The following PHC3 variants were observed in gnomAD, a reference collection of about 807,000 sequenced individuals.
PHC3 encodes polyhomeotic homolog 3.
In PHC3, 13 loss-of-function variants were observed where a neutral mutation model predicts 107.4. That is an observed-to-expected ratio of 0.12 (90% CI 0.08 to 0.19). The LOEUF (loss-of-function observed/expected upper bound fraction) is 0.19. PHC3 is among the 10% of genes least tolerant of loss of function. The probability of loss-of-function intolerance (pLI) is 1.00; values close to 1 mark genes in which losing one functional copy is unlikely to be tolerated. For missense variants in PHC3, 992 were observed against 1,210.9 expected, an observed-to-expected ratio of 0.82 and a Z score of 2.68; for synonymous variants, 456 against 427.4, an observed-to-expected ratio of 1.07 and a Z score of -0.83.
rs1335339150 is a variant in PHC3 at position 170,092,311 on chromosome 3, C to A, written c.*4919G>T. On this transcript the variant is annotated 3_prime_UTR_variant, in exon 15 of 15. Transcript: ENST00000495893. ...CACCATGCCCAGCCCCAAATAATTT[C>A]TTTTAAGATATACAGCTTAACAAGT... 2 of 152,048 alleles carry A rather than the reference C, an allele frequency of 1.3e-5. No homozygotes were observed. The highest frequency in any genetic ancestry group is 4.8e-5 in the African/African-American group (2 of 41,432). 9.4% of individuals were successfully genotyped at this position (152,048 alleles called of 1,614,324 possible).
At chr3:170,179,203 C>G (rs1021086733) in intron 1 of PHC3, among the ~76,000 whole-genome samples, 1 of 152,122 alleles carries the variant, frequency 6.6e-6, no homozygotes, top group African/African-American at 2.4e-5. Flanking sequence ...AAAAGTTTAT[C>G]TTTGCATTAC....
At position 170,145,460 on chromosome 3, in the gene PHC3, G is replaced by C; in HGVS notation, c.635C>G (p.Ser212Trp). ...AGACTGACAGGAAGATGACGATGAC[G>C]ACGAGACAACAGGAATGTCAGACTG... ...AVQSDIPVVS[S>W]SSSSSCQSAA... The change falls in exon 6 of 15, where the codon TCG becomes TGG. Residue 212 changes from serine to tryptophan, a missense_variant. This residue lies in a region of PHC3 where 543 missense variants were observed against 590.8 expected (regional missense o/e 0.92). Transcript: ENST00000495893. The C allele has an allele frequency of 6.2e-7, 1 of 1,613,666 alleles. No homozygotes were observed. The highest frequency in any genetic ancestry group is 8.5e-7 in the Non-Finnish European group (1 of 1,179,676).
intron 4 of PHC3, 102 bp from the exon 5 acceptor site, chr3:170,149,346 G>A (rs1355997331): frequency 1.7e-6 from 2 of 1,169,248 alleles, no homozygotes; most frequent in Admixed American, 2.8e-5. Context: ...TATAAACTGT[G>A]GCTAAGGAAC....
intron 14 of PHC3, among the ~76,000 whole-genome samples, chr3:170,100,046 G>A (rs1018669295): frequency 3.9e-5 from 6 of 152,164 alleles, no homozygotes; most frequent in Admixed American, 2.0e-4. Context: ...TTTTCATTCT[G>A]TTAACAGCTC....
chr3:170,161,106 G>A (rs1311219940), intron 4 of PHC3, among the ~76,000 whole-genome samples: 1 of 152,072 alleles, frequency 6.6e-6, no homozygotes, highest in Non-Finnish European at 1.5e-5. Flanking sequence ...ACTATGTGAT[G>A]GGCACATGTA....
intron 2 of PHC3, among the ~76,000 whole-genome samples, chr3:170,174,499 C>A (rs1730106985): frequency 6.6e-6 from 1 of 152,164 alleles, no homozygotes. Flanking sequence ...CAATCCTATA[C>A]AACCAAATCC....
At chr3:170,112,615 T>G (rs956155517) in intron 11 of PHC3, among the ~76,000 whole-genome samples, 3 of 149,766 alleles carry the variant, frequency 2.0e-5, no homozygotes, top group Non-Finnish European at 4.4e-5. Flanking sequence ...CCTCCGCCTC[T>G]GGGGTTCAAG....
chr3:170,163,693 T>C (rs772184160), intron 4 of PHC3, among the ~76,000 whole-genome samples: 1 of 151,478 alleles, frequency 6.6e-6, no homozygotes, highest in Non-Finnish European at 1.5e-5. Flanking sequence ...TGAAACCCCA[T>C]CTCTACTAAA....
intron 1 of PHC3, among the ~76,000 whole-genome samples, chr3:170,180,802 C>G (rs1731268130): frequency 6.6e-6 from 1 of 152,134 alleles, no homozygotes. Flanking sequence ...GTAAACAGTT[C>G]TAACTCCTAA....
chr3:170,181,653 C>T (rs371223982), intron 1 of PHC3, 49 bp downstream of exon 1: 1 of 1,612,964 alleles, frequency 6.2e-7, no homozygotes, highest in Non-Finnish European at 8.5e-7. Flanking sequence ...TGTCGCTGCC[C>T]CAACTCGCCC....
Position 170,178,869 on chromosome 3 carries a change from G to A in PHC3, c.84C>T (p.Thr28=), listed in dbSNP as rs1365357031. The A allele has an allele frequency of 6.2e-7, 1 of 1,613,920 alleles. No individual in the cohort carries two copies. The highest frequency in any genetic ancestry group is 8.5e-7 in the Non-Finnish European group (1 of 1,179,808). ...TGATGGTGGTGGTGGTGGTACTGCT[G>A]GTTGTTGTTGACACAGAAGATGTTC... is the stretch of plus-strand genomic sequence containing the variant. ...NPGTSSVSTT[T]SSTTTTTITT... Residue 28 remains threonine, a synonymous_variant, in exon 2 of 15, where the codon ACC becomes ACT. Coordinates refer to ENST00000495893, the MANE Select transcript of PHC3 (RefSeq NM_024947.4).
chr3:170,110,676 G>A (rs565920569), intron 11 of PHC3, among the ~76,000 whole-genome samples: 2 of 152,174 alleles, frequency 1.3e-5, no homozygotes, highest in East Asian at 3.9e-4. Flanking sequence ...GAGGGAAAGC[G>A]GATTGTATTT....
rs748615809 is a variant in PHC3, at chr3:170,136,303, C to T, written c.919+116G>A. 98 of 1,236,990 alleles carry T rather than the reference C, an allele frequency of 7.9e-5. No individual in the cohort carries two copies. The Middle Eastern group carries it at 8.2e-4, about 10-fold the overall frequency. The allele number at this position is 1,236,990 out of a possible 1,614,324, so 76.6% of individuals were successfully genotyped here. A position where few individuals can be genotyped will look rare whatever the true frequency, so the allele number is the denominator to read the frequency against. On this transcript the variant is annotated intron_variant, in intron 7 of 14. Coordinates refer to ENST00000495893, the MANE Select transcript of PHC3 (RefSeq NM_024947.4). Reference sequence around the variant, plus strand: ...ATTAAGATTAAGTTTATAAAATTCACATTTTAAAATGTTTTAAAGGTGTCA... The same window carrying T: ...ATTAAGATTAAGTTTATAAAATTCATATTTTAAAATGTTTTAAAGGTGTCA...
At chr3:170,146,108 C>T (rs1724889820) in intron 5 of PHC3, among the ~76,000 whole-genome samples, 1 of 152,148 alleles carries the variant, frequency 6.6e-6, no homozygotes, top group Non-Finnish European at 1.5e-5. Flanking sequence ...GGCGTGGTGG[C>T]TCATGCCTGT....
At chr3:170,098,741 C>G (rs1340695665) in intron 14 of PHC3, among the ~76,000 whole-genome samples, 1 of 152,116 alleles carries the variant, frequency 6.6e-6, no homozygotes, top group African/African-American at 2.4e-5. Context: ...TTACTTGTAT[C>G]TTTACTGTTT....
chr3:170,111,397 G>C (rs1030613863), intron 11 of PHC3, among the ~76,000 whole-genome samples: 1 of 147,700 alleles, frequency 6.8e-6, no homozygotes, highest in East Asian at 2.0e-4. Context: ...AAAGAAAGAG[G>C]AAGGAAGGAA....
chr3:170,110,430 G>A (rs1271146600), intron 11 of PHC3, among the ~76,000 whole-genome samples: 3 of 152,132 alleles, frequency 2.0e-5, no homozygotes, highest in Non-Finnish European at 4.4e-5. Flanking sequence ...TTTACTTAGT[G>A]TTCTAATCTG....
chr3:170,100,663 T>G (rs1317468554), intron 14 of PHC3, among the ~76,000 whole-genome samples: 1 of 152,180 alleles, frequency 6.6e-6, no homozygotes, highest in Non-Finnish European at 1.5e-5. Flanking sequence ...TTTTAAGTTA[T>G]GAGGAATATT....
intron 4 of PHC3, among the ~76,000 whole-genome samples, chr3:170,167,393 G>GGCATGAGCCAACATGCCCA (rs1432109791): frequency 4.6e-5 from 7 of 152,298 alleles, no homozygotes; most frequent in African/African-American, 1.7e-4. Context: ...TGGGATTATA[G>GGCATGAGCCAACATGCCCA]GCATGAGCCA....
Sources: gnomAD v4.1 joint callset for allele counts (sites outside exome capture counted in the v4.1 genomes callset) on GRCh38, gnomAD v4.1.1 for gene constraint, gnomAD v4.1.1 regional missense constraint, MANE v1.5 for transcripts, NCBI Gene and HGNC (gene_info 2026-07-23, HGNC 2026-07-21) for gene names.